FBXO36: variants seen among roughly 807,000 people sequenced by gnomAD.
The protein encoded by FBXO36 is F-box protein 36, also known as F-box only protein 36.
Under a neutral mutation model 17.0 loss-of-function variants are expected in FBXO36, and 18 were observed. That is an observed-to-expected ratio of 1.06 (90% CI 0.73 to 1.57). The LOEUF (loss-of-function observed/expected upper bound fraction) is 1.57. Among genes scored for constraint, FBXO36 ranks in the 40% most tolerant of loss-of-function variants. FBXO36 has a pLI of 0.00. For missense variants in FBXO36, 229 were observed against 221.9 expected, an observed-to-expected ratio of 1.03 and a Z score of -0.20; for synonymous variants, 83 against 85.3, an observed-to-expected ratio of 0.97 and a Z score of 0.15.
chr2:229,961,794 A>G (rs987057742), intron 1 of FBXO36, among the ~76,000 whole-genome samples: 1 of 152,210 alleles, frequency 6.6e-6, no homozygotes, highest in African/African-American at 2.4e-5. Context: ...TTTTTTAAAA[A>G]GGAAATTAAA....
At chr2:229,976,125 A>G (rs1171936466) in intron 1 of FBXO36, 116 bp from the exon 2 acceptor site, 1 of 641,318 alleles carries the variant, frequency 1.6e-6, no homozygotes, top group African/African-American at 1.8e-5. Context: ...CCAGACTGCA[A>G]AGTTATAGCT....
intron 1 of FBXO36, chr2:229,937,961 G>T (rs2076973467): frequency 6.7e-6 from 1 of 149,492 alleles, no homozygotes; most frequent in African/African-American, 2.5e-5. Context: ...GTATCTTTTG[G>T]TTTGTTTGTT....
intron 1 of FBXO36, among the ~76,000 whole-genome samples, chr2:229,938,180 C>CCA (rs2076975426): frequency 6.8e-6 from 1 of 148,002 alleles, no homozygotes; most frequent in Admixed American, 6.8e-5. Context: ...ATGGCGTGAG[C>CCA]CACCGCGCCC....
At chr2:229,943,084 A>T (rs574735059) in intron 1 of FBXO36, 2 of 152,266 alleles carry the variant, frequency 1.3e-5, no homozygotes, top group African/African-American at 4.8e-5. Context: ...CACTTCCTTT[A>T]TCCCTGAACT....
At chr2:229,922,881 C>T (rs1294463679) in intron 1 of FBXO36, among the ~76,000 whole-genome samples, 1 of 152,208 alleles carries the variant, frequency 6.6e-6, no homozygotes, top group African/African-American at 2.4e-5. Flanking sequence ...CGGCTTCTTA[C>T]CCGTAGAGTT....
At chr2:229,949,866 A>G (rs2077048216) in intron 1 of FBXO36, among the ~76,000 whole-genome samples, 1 of 152,182 alleles carries the variant, frequency 6.6e-6, no homozygotes, top group Non-Finnish European at 1.5e-5. Context: ...CGGAGCTTGC[A>G]GTGAGCCGAG....
intron 1 of FBXO36, among the ~76,000 whole-genome samples, chr2:229,927,846 C>G (rs2076921084): frequency 6.6e-6 from 1 of 151,720 alleles, no homozygotes; most frequent in African/African-American, 2.4e-5. Context: ...ACTGAAAACA[C>G]CTGAGGTTGC....
chr2:229,947,659 A>G (rs1365501396), intron 1 of FBXO36, among the ~76,000 whole-genome samples: 2 of 152,230 alleles, frequency 1.3e-5, no homozygotes, highest in Non-Finnish European at 2.9e-5. Context: ...TTGAATGTCA[A>G]GTTATATTAA....
At chr2:229,976,465 T>G (rs563952683) in intron 2 of FBXO36, 116 bp downstream of exon 2, 2 of 681,892 alleles carry the variant, frequency 2.9e-6, no homozygotes, top group South Asian at 3.9e-5. Context: ...AGTTATGTAC[T>G]TACATATACA....
chr2:229,944,522 T>A (rs1021948627), intron 1 of FBXO36, among the ~76,000 whole-genome samples: 2 of 152,282 alleles, frequency 1.3e-5, no homozygotes, highest in African/African-American at 4.8e-5. Flanking sequence ...GACTTTGTTA[T>A]TACTTTAAAT....
chr2:229,927,778 A>AC (rs2106151820), intron 1 of FBXO36, among the ~76,000 whole-genome samples: 1 of 151,722 alleles, frequency 6.6e-6, no homozygotes, highest in South Asian at 2.1e-4. Flanking sequence ...GAAAAAGCTC[A>AC]CCCCTCTAAA....
intron 2 of FBXO36, among the ~76,000 whole-genome samples, chr2:229,984,605 G>A (rs982862913): frequency 1.3e-5 from 2 of 151,626 alleles, no homozygotes; most frequent in African/African-American, 4.8e-5. Context: ...AGCCATGATG[G>A]TCTCGATCTC....
At chr2:229,993,359 C>T (rs1248232886) in intron 2 of FBXO36, among the ~76,000 whole-genome samples, 1 of 152,194 alleles carries the variant, frequency 6.6e-6, no homozygotes, top group Non-Finnish European at 1.5e-5. Flanking sequence ...CTTGTCAGGA[C>T]ATGGCCGTTG....
intron 1 of FBXO36, among the ~76,000 whole-genome samples, chr2:229,945,295 T>G (rs982856710): frequency 1.6e-4 from 24 of 150,858 alleles, no homozygotes; most frequent in South Asian, 2.1e-4. Context: ...TGAATTTCTG[T>G]TTTTTTGTTT....
At chr2:230,006,333 T>C (rs1410269127) in intron 3 of FBXO36, among the ~76,000 whole-genome samples, 1 of 152,098 alleles carries the variant, frequency 6.6e-6, no homozygotes, top group African/African-American at 2.4e-5. Flanking sequence ...TTACATCAGG[T>C]GATCTGCCTG....
Position 230,009,758 on chromosome 2 carries a change from C to T in FBXO36, c.379-938C>T, listed in dbSNP as rs141044485. On this transcript the variant is annotated intron_variant, in intron 3 of 3. Transcript: ENST00000283946. ...AGGACTTCGAGACCAGCCTGATCAACGTGGCGAAAACCTGTCTCTATAAAA... is the reference window on the plus strand; with the variant it reads ...AGGACTTCGAGACCAGCCTGATCAATGTGGCGAAAACCTGTCTCTATAAAA... 7.0e-3 allele frequency among the ~76,000 whole-genome samples: 1,057 copies of T among 151,042 alleles called. 9 individuals carry two copies. Among genetic ancestry groups the T allele is most frequent in the Middle Eastern group, 0.018 (5 of 284 alleles).
intron 1 of FBXO36, among the ~76,000 whole-genome samples, chr2:229,968,645 T>C (rs1311584536): frequency 3.3e-5 from 5 of 152,126 alleles, no homozygotes; most frequent in Non-Finnish European, 7.3e-5. Context: ...TTTTTGTATT[T>C]TTTGTGGAGA....
chr2:229,941,515 G>A (rs1577331400), intron 1 of FBXO36, among the ~76,000 whole-genome samples: 1 of 152,102 alleles, frequency 6.6e-6, no homozygotes, highest in South Asian at 2.1e-4. Flanking sequence ...TAGCTGTGGG[G>A]AGTAGCTTCA....
intron 3 of FBXO36, among the ~76,000 whole-genome samples, chr2:230,007,725 T>C (rs986414912): frequency 6.6e-6 from 1 of 152,092 alleles, no homozygotes; most frequent in Non-Finnish European, 1.5e-5. Flanking sequence ...GCCTCCCAAG[T>C]AGCTGGGACT....
Sources: gnomAD v4.1 joint callset for allele counts (sites outside exome capture counted in the v4.1 genomes callset) on GRCh38, gnomAD v4.1.1 for gene constraint, MANE v1.5 for transcripts, NCBI Gene and HGNC (gene_info 2026-07-23, HGNC 2026-07-21) for gene names.